Variants in SIAH3 observed in about 807,000 individuals in gnomAD.
SIAH3 encodes the protein seven in absentia homolog 3.
Under a neutral mutation model 12.6 loss-of-function variants are expected in SIAH3, and 9 were observed. The observed-to-expected ratio is 0.72, with a 90% confidence interval of 0.43 to 1.25. The LOEUF (loss-of-function observed/expected upper bound fraction) is 1.25. SIAH3 is among the 50% of genes most tolerant of loss of function. The probability of loss-of-function intolerance (pLI) is 0.00; values close to 1 mark genes in which losing one functional copy is unlikely to be tolerated. For synonymous variants in SIAH3, 154 were observed against 151.1 expected, an observed-to-expected ratio of 1.02 and a Z score of -0.14; for missense variants, 390 against 365.4, an observed-to-expected ratio of 1.07 and a Z score of -0.55.
chr13:45,801,098 G>GC (rs1555257356), intron 1 of SIAH3, among the ~76,000 whole-genome samples: 41 of 122,988 alleles, frequency 3.3e-4, no homozygotes, highest in African/African-American at 1.2e-3. Context: ...TGGGTGGCGG[G>GC]GGGGGGCATG....
At chr13:45,833,929 C>T (rs914522880) in intron 1 of SIAH3, among the ~76,000 whole-genome samples, 4 of 151,792 alleles carry the variant, frequency 2.6e-5, no homozygotes, top group Non-Finnish European at 4.4e-5. Flanking sequence ...TCTGCACAGA[C>T]TTTTGGCTGG....
intron 1 of SIAH3, among the ~76,000 whole-genome samples, chr13:45,827,613 T>TA (rs1485397296): frequency 6.6e-6 from 1 of 152,072 alleles, no homozygotes; most frequent in Non-Finnish European, 1.5e-5. Flanking sequence ...TGGATTCCTT[T>TA]CCTCCCTCAG....
chr13:45,822,553 A>ATATATATATATG (rs1950659752), intron 1 of SIAH3, among the ~76,000 whole-genome samples: 1 of 139,730 alleles, frequency 7.2e-6, no homozygotes, highest in Admixed American at 7.2e-5. Flanking sequence ...ATATATATAT[A>ATATATATATATG]TATTAGACTA....
intron 1 of SIAH3, among the ~76,000 whole-genome samples, chr13:45,799,556 T>C (rs1950574303): frequency 6.6e-6 from 1 of 152,168 alleles, no homozygotes. Context: ...TGGGTATCAT[T>C]ATCACAAGTA....
intron 1 of SIAH3, among the ~76,000 whole-genome samples, chr13:45,807,491 T>C (rs9534220): frequency 0.34 from 52,295 of 151,980 alleles, 9,706 homozygotes; most frequent in Non-Finnish European, 0.41. Flanking sequence ...ATACTTATAG[T>C]TCTATTTATT....
At chr13:45,793,092 T>C (rs1223147391) in intron 1 of SIAH3, among the ~76,000 whole-genome samples, 1 of 152,220 alleles carries the variant, frequency 6.6e-6, no homozygotes, top group African/African-American at 2.4e-5. Flanking sequence ...CTGGACACCA[T>C]GTCCAGAGAT....
At chr13:45,851,034 T>C (rs1243527561) in intron 1 of SIAH3, among the ~76,000 whole-genome samples, 1 of 87,156 alleles carries the variant, frequency 1.1e-5, no homozygotes, top group African/African-American at 4.6e-5. Context: ...TCCAAGTCCC[T>C]GTTTCAGGAT....
In SIAH3 at chr13:45,783,487, C is replaced by T. The variant is rs750047881; in HGVS notation, c.706G>A (p.Val236Ile). Reference sequence around the variant, plus strand: ...AGCTGTGCCAGCGAGGTGTTGAGGACGAGGCAGTCCCCGTCCGTAATCACC... The same window carrying T: ...AGCTGTGCCAGCGAGGTGTTGAGGATGAGGCAGTCCCCGTCCGTAATCACC... ...DSVITDGDCLVLNTSLAQLFS... is the reference protein window; with the variant it reads ...DSVITDGDCLILNTSLAQLFS... Residue 236 changes from valine to isoleucine, a missense_variant, in exon 2 of 2, where the codon GTC becomes ATC. Coordinates refer to ENST00000400405, the MANE Select transcript of SIAH3 (RefSeq NM_198849.3). 7 of 1,614,102 alleles carry T rather than the reference C, an allele frequency of 4.3e-6. No homozygotes were observed. Among genetic ancestry groups the T allele is most frequent in the Admixed American group, 3.3e-5 (2 of 60,020 alleles).
rs1404999496 is a variant in SIAH3, at chr13:45,826,962, T to TTAGTCTCTCGAGTAAACCAC, written c.135+24513_135+24532dup. Among the ~76,000 whole-genome samples, 9 of 152,262 alleles carry TTAGTCTCTCGAGTAAACCAC rather than the reference T, an allele frequency of 5.9e-5. No homozygotes were observed. The East Asian group carries it at 1.5e-3, about 26-fold the overall frequency. On this transcript the variant is annotated intron_variant, in intron 1 of 1. Transcript: ENST00000400405. ...ACTGTGATGAACTCAGCGGGCTAGA[T>TTAGTCTCTCGAGTAAACCAC]TAGTCTCTCGAGTAAACCACAGTTT...
At chr13:45,825,296 A>C (rs1950670051) in intron 1 of SIAH3, among the ~76,000 whole-genome samples, 1 of 152,170 alleles carries the variant, frequency 6.6e-6, no homozygotes, top group Non-Finnish European at 1.5e-5. Flanking sequence ...TCCTAGCCAA[A>C]TCTCATTACA....
chr13:45,828,274 C>T (rs1201836497), intron 1 of SIAH3, among the ~76,000 whole-genome samples: 2 of 152,120 alleles, frequency 1.3e-5, no homozygotes, highest in African/African-American at 4.8e-5. Context: ...CATAACCTTC[C>T]GTGGCTGAAG....
intron 1 of SIAH3, among the ~76,000 whole-genome samples, chr13:45,845,286 T>A (rs1463438399): frequency 6.6e-6 from 1 of 152,090 alleles, no homozygotes; most frequent in Non-Finnish European, 1.5e-5. Flanking sequence ...CGCTGAAACT[T>A]CCTCAGTAAA....
At chr13:45,787,258 G>C (rs1011499028) in intron 1 of SIAH3, among the ~76,000 whole-genome samples, 1 of 152,172 alleles carries the variant, frequency 6.6e-6, no homozygotes, top group Non-Finnish European at 1.5e-5. Context: ...ACAGGCTGGG[G>C]CTCCTGGGCT....
intron 1 of SIAH3, among the ~76,000 whole-genome samples, chr13:45,845,414 A>G (rs964225616): frequency 6.6e-6 from 1 of 152,166 alleles, no homozygotes; most frequent in Non-Finnish European, 1.5e-5. Context: ...CTGTCCATCA[A>G]AAGATTTAAG....
chr13:45,831,860 G>A (rs187687845), intron 1 of SIAH3, among the ~76,000 whole-genome samples: 1 of 152,352 alleles, frequency 6.6e-6, no homozygotes, highest in Non-Finnish European at 1.5e-5. Flanking sequence ...ATGTCTCATG[G>A]AGGAGTCAGA....
chr13:45,827,766 C>T (rs1314533663), intron 1 of SIAH3, among the ~76,000 whole-genome samples: 2 of 152,142 alleles, frequency 1.3e-5, no homozygotes, highest in Non-Finnish European at 2.9e-5. Context: ...TACATGATAC[C>T]AAAGCAACAT....
intron 1 of SIAH3, among the ~76,000 whole-genome samples, chr13:45,817,232 A>G (rs1282813816): frequency 6.6e-6 from 1 of 152,226 alleles, no homozygotes; most frequent in East Asian, 1.9e-4. Flanking sequence ...CTATGTTTAG[A>G]TATTTTTAGA....
rs938318173 is a variant in SIAH3, at chr13:45,782,566, C to G, written c.*817G>C. The G allele has an allele frequency of 6.6e-6, 1 of 152,018 alleles. No individual in the cohort carries two copies. Among genetic ancestry groups the G allele is most frequent in the Non-Finnish European group, 1.5e-5 (1 of 68,036 alleles). 9.4% of individuals were successfully genotyped at this position (152,018 alleles called of 1,614,324 possible). Reference sequence around the variant, plus strand: ...TCTCTTTTTCCTGTTGCTTTTCATCCCCACCCCCCATCTTGCCTATTCTTT... The same window carrying G: ...TCTCTTTTTCCTGTTGCTTTTCATCGCCACCCCCCATCTTGCCTATTCTTT... On this transcript the variant is annotated 3_prime_UTR_variant, in exon 2 of 2. Coordinates refer to ENST00000400405, the MANE Select transcript of SIAH3 (RefSeq NM_198849.3).
rs566692184 is a variant in SIAH3 at position 45,823,450 on chromosome 13, T to C, written c.135+28045A>G. Among the ~76,000 whole-genome samples the C allele has an allele frequency of 3.9e-5, 6 of 152,374 alleles. No individual in the cohort carries two copies. The East Asian group carries it at 1.2e-3, about 29-fold the overall frequency. On this transcript the variant is annotated intron_variant, in intron 1 of 1. Transcript: ENST00000400405. ...CTATTTTCCCAGGCAGGTCTTTTTA[T>C]AGCATTACTTTAAAAACCTTAAATC...
Sources: gnomAD v4.1 joint callset for allele counts (sites outside exome capture counted in the v4.1 genomes callset) on GRCh38, gnomAD v4.1.1 for gene constraint, MANE v1.5 for transcripts, NCBI Gene and HGNC (gene_info 2026-07-23, HGNC 2026-07-21) for gene names.